VTI1A: variants seen among roughly 807,000 people sequenced by gnomAD.
VTI1A encodes the protein vesicle transport through interaction with t-SNAREs 1A.
Under a neutral mutation model 34.9 loss-of-function variants are expected in VTI1A, and 22 were observed. The ratio of observed to expected loss-of-function variants is 0.63; its 90% CI spans 0.45 to 0.90. The LOEUF (loss-of-function observed/expected upper bound fraction) is 0.90. Among genes scored for constraint, VTI1A ranks in the 40% least tolerant of loss-of-function variants. VTI1A has a pLI of 0.00. For missense variants in VTI1A, 268 were observed against 275.6 expected (o/e 0.97, Z 0.20); for synonymous variants, 87 against 97.3 (o/e 0.89, Z 0.62).
chr10:112,631,164 T>C (rs1269540030), intron 5 of VTI1A, among the ~76,000 whole-genome samples: 2 of 152,038 alleles, frequency 1.3e-5, no homozygotes, highest in African/African-American at 2.4e-5. Context: ...ATGACACTGC[T>C]ATGCTACTCT....
At chr10:112,609,932 A>G (rs1478223659) in intron 5 of VTI1A, among the ~76,000 whole-genome samples, 1 of 152,096 alleles carries the variant, frequency 6.6e-6, no homozygotes, top group Non-Finnish European at 1.5e-5. Context: ...GGGAAGTTTT[A>G]GTCTTATTAT....
chr10:112,841,777 C>T, the VTI1A span, among the ~76,000 whole-genome samples: 2 of 152,130 alleles, frequency 1.3e-5, no homozygotes, highest in Non-Finnish European at 2.9e-5. Context: ...GCAGCATCCC[C>T]GGTGGCATCC....
intron 5 of VTI1A, among the ~76,000 whole-genome samples, chr10:112,637,844 G>A (rs1403113550): frequency 6.6e-6 from 1 of 152,176 alleles, no homozygotes; most frequent in African/African-American, 2.4e-5. Context: ...ACTTAAATCA[G>A]AATGTGTGGA....
At chr10:112,830,688 C>T in the VTI1A span, among the ~76,000 whole-genome samples, 10 of 150,002 alleles carry the variant, frequency 6.7e-5, no homozygotes, top group Non-Finnish European at 1.5e-4. Context: ...CTCCTAAAAC[C>T]GAGGAGATGG....
chr10:112,593,217 C>T (rs1844463296), intron 5 of VTI1A, among the ~76,000 whole-genome samples: 1 of 152,202 alleles, frequency 6.6e-6, no homozygotes. Flanking sequence ...ATGACTGGTG[C>T]AGGGGCCCCA....
At chr10:112,459,986 C>G (rs1847677304) in intron 1 of VTI1A, among the ~76,000 whole-genome samples, 1 of 152,076 alleles carries the variant, frequency 6.6e-6, no homozygotes, top group Non-Finnish European at 1.5e-5. Flanking sequence ...GCCCAGGATC[C>G]CATAACCATT....
chr10:112,531,478 C>CAAAAAA (rs1407152404), intron 4 of VTI1A, among the ~76,000 whole-genome samples: 4 of 38,152 alleles, frequency 1.0e-4, no homozygotes, highest in Admixed American at 2.2e-4. Flanking sequence ...CCGGCCTAAG[C>CAAAAAA]AAAGAAAAAA....
chr10:112,596,203 C>A (rs1373940315), intron 5 of VTI1A, among the ~76,000 whole-genome samples: 1 of 151,836 alleles, frequency 6.6e-6, no homozygotes, highest in African/African-American at 2.4e-5. Flanking sequence ...AGGAGATATA[C>A]CTAATGCTAA....
intron 1 of VTI1A, among the ~76,000 whole-genome samples, chr10:112,454,364 A>G (rs1847351668): frequency 6.6e-6 from 1 of 152,172 alleles, no homozygotes; most frequent in African/African-American, 2.4e-5. Context: ...AGAGGCCAAG[A>G]TGGGAGGATC....
At chr10:112,781,479 C>G (rs1259305218) in intron 7 of VTI1A, among the ~76,000 whole-genome samples, 1 of 152,160 alleles carries the variant, frequency 6.6e-6, no homozygotes, top group Non-Finnish European at 1.5e-5. Flanking sequence ...TAGGCAGTTT[C>G]TGCCTGAGGT....
At chr10:112,715,967 C>T (rs1849596262) in intron 7 of VTI1A, among the ~76,000 whole-genome samples, 2 of 152,192 alleles carry the variant, frequency 1.3e-5, no homozygotes, top group East Asian at 3.8e-4. Flanking sequence ...TTTACCAAAC[C>T]TACTCTGAGC....
chr10:112,841,053 A>G, the VTI1A span, among the ~76,000 whole-genome samples: 1 of 152,192 alleles, frequency 6.6e-6, no homozygotes, highest in African/African-American at 2.4e-5. Context: ...CCAAAGTGAG[A>G]GGCCAAAGGT....
At chr10:112,567,361 G>A (rs1041075324) in intron 5 of VTI1A, among the ~76,000 whole-genome samples, 4 of 152,044 alleles carry the variant, frequency 2.6e-5, no homozygotes, top group South Asian at 2.1e-4. Flanking sequence ...TTTGTTAGAG[G>A]TTTACCATTT....
chr10:112,538,478 G>A, intron 5 of VTI1A, 148 bp downstream of exon 5: 1 of 681,550 alleles, frequency 1.5e-6, no homozygotes, highest in East Asian at 2.7e-5. Context: ...GAGCTTATTT[G>A]CGCTTATCTT....
chr10:112,598,266 A>G (rs1232902587), intron 5 of VTI1A, among the ~76,000 whole-genome samples: 1 of 152,112 alleles, frequency 6.6e-6, no homozygotes, highest in African/African-American at 2.4e-5. Flanking sequence ...TAAGTCTCTA[A>G]TTATCTAAAG....
intron 2 of VTI1A, among the ~76,000 whole-genome samples, chr10:112,461,332 A>G (rs947690870): frequency 2.6e-5 from 4 of 152,222 alleles, no homozygotes; most frequent in Non-Finnish European, 5.9e-5. Context: ...CCCAATCCTG[A>G]AAAATGGCTC....
chr10:112,568,636 C>T (rs886973181), intron 5 of VTI1A, among the ~76,000 whole-genome samples: 2 of 152,160 alleles, frequency 1.3e-5, no homozygotes, highest in Admixed American at 1.3e-4. Flanking sequence ...GGTTAGAGAA[C>T]TCTAAATAAG....
At chr10:112,575,148 T>G (rs896704491) in intron 5 of VTI1A, among the ~76,000 whole-genome samples, 1 of 152,202 alleles carries the variant, frequency 6.6e-6, no homozygotes, top group Non-Finnish European at 1.5e-5. Flanking sequence ...ATATCTCTCT[T>G]TGGTGCTAAT....
At chr10:112,852,768 T>G in the VTI1A span, among the ~76,000 whole-genome samples, 3 of 152,236 alleles carry the variant, frequency 2.0e-5, no homozygotes, top group Admixed American at 6.5e-5. Flanking sequence ...TTCTTGGTTT[T>G]GTTTTGTTTT....
Sources: gnomAD v4.1 joint callset for allele counts (sites outside exome capture counted in the v4.1 genomes callset) on GRCh38, gnomAD v4.1.1 for gene constraint, MANE v1.5 for transcripts, NCBI Gene and HGNC (gene_info 2026-07-23, HGNC 2026-07-21) for gene names.